The following PNPLA3 variants were observed in gnomAD, a reference collection of about 807,000 sequenced individuals.
The protein encoded by PNPLA3 is patatin like domain 3, 1-acylglycerol-3-phosphate O-acyltransferase.
A neutral mutation model predicts 43.1 loss-of-function variants in PNPLA3; 42 were observed. The ratio of observed to expected loss-of-function variants is 0.97; its 90% CI spans 0.76 to 1.26. PNPLA3 has a LOEUF of 1.26. Ranked by LOEUF, PNPLA3 falls within the 50% of genes most tolerant of loss-of-function variation. The pLI is 0.00. For synonymous variants in PNPLA3, 272 were observed against 253.6 expected, an observed-to-expected ratio of 1.07 and a Z score of -0.69; for missense variants, 647 against 621.4, an observed-to-expected ratio of 1.04 and a Z score of -0.44.
At chr22:43,934,507 G>T in intron 4 of PNPLA3, 99 bp from the exon 5 acceptor site, 1 of 1,246,978 alleles carries the variant, frequency 8.0e-7, no homozygotes, top group African/African-American at 1.5e-5. Flanking sequence ...CTCAGAGCTT[G>T]CATGATTCTT....
chr22:43,932,014 A>G (rs144418576), intron 3 of PNPLA3, among the ~76,000 whole-genome samples: 1 of 152,022 alleles, frequency 6.6e-6, no homozygotes, highest in Non-Finnish European at 1.5e-5. Flanking sequence ...CTCCGTGTGG[A>G]AGGGCGGGCT....
rs777905829 is a variant in PNPLA3, at chr22:43,944,789, C to T, written c.1211C>T (p.Ala404Val). The T allele has an allele frequency of 6.2e-7, 1 of 1,614,072 alleles. No homozygotes were observed. The highest frequency in any genetic ancestry group is 8.5e-7 in the Non-Finnish European group (1 of 1,179,898). Residue 404 changes from alanine (A) to valine (V), a missense_variant, in exon 8 of 9, where the codon GCC becomes GTC. By Grantham distance (64) the Ala-to-Val change is moderately conservative. Coordinates refer to ENST00000216180, the MANE Select transcript of PNPLA3 (RefSeq NM_025225.3). Reference sequence around the variant, plus strand: ...CGAGTGCTGATGTGTCTGCTCCCCGCCTCCAGGTAAATACTTTGGCTGTGG... The same window carrying T: ...CGAGTGCTGATGTGTCTGCTCCCCGTCTCCAGGTAAATACTTTGGCTGTGG... Reference protein sequence around the residue: ...FTRVLMCLLPASRSQMPVSSQ... With the variant: ...FTRVLMCLLPVSRSQMPVSSQ...
intron 6 of PNPLA3, chr22:43,939,279 T>C: frequency 1.5e-6 from 1 of 659,602 alleles, no homozygotes; most frequent in Non-Finnish European, 1.9e-6. Context: ...TCAGATTTCT[T>C]AATACAAGAT....
At chr22:43,924,796 A>C (rs186302637) in intron 1 of PNPLA3, among the ~76,000 whole-genome samples, 322 of 151,970 alleles carry the variant, frequency 2.1e-3, no homozygotes, top group Middle Eastern at 0.01. Context: ...TACAGGCGCC[A>C]GCCACCAAGC....
At chr22:43,941,559 C>G (rs779594961) in intron 7 of PNPLA3, among the ~76,000 whole-genome samples, 1 of 152,082 alleles carries the variant, frequency 6.6e-6, no homozygotes, top group Admixed American at 6.6e-5. Context: ...AGTACTCATC[C>G]CATAGTAAGC....
intron 2 of PNPLA3, among the ~76,000 whole-genome samples, chr22:43,927,798 G>T (rs552266165): frequency 2.6e-5 from 4 of 152,108 alleles, no homozygotes; most frequent in African/African-American, 7.2e-5. Flanking sequence ...TTGTAGAGAC[G>T]GGGTTTTGCC....
chr22:43,937,365 G>A (rs907544295), intron 6 of PNPLA3, 93 bp downstream of exon 6: 1 of 1,185,278 alleles, frequency 8.4e-7, no homozygotes, highest in East Asian at 2.5e-5. Flanking sequence ...GAGCGATAGG[G>A]TGAGGCAACC....
At chr22:43,945,847 C>A (rs1479429494) in intron 8 of PNPLA3, among the ~76,000 whole-genome samples, 2 of 152,090 alleles carry the variant, frequency 1.3e-5, no homozygotes, top group African/African-American at 4.8e-5. Flanking sequence ...TGGTAGGACA[C>A]CCTGGCAGGC....
intron 5 of PNPLA3, among the ~76,000 whole-genome samples, chr22:43,936,408 C>A (rs996556085): frequency 2.0e-5 from 3 of 152,060 alleles, no homozygotes; most frequent in African/African-American, 7.2e-5. Context: ...GTCTGAAGTC[C>A]CCCTCCCCCA....
intron 7 of PNPLA3, among the ~76,000 whole-genome samples, chr22:43,943,320 G>A (rs1015076891): frequency 9.9e-5 from 15 of 151,992 alleles, no homozygotes; most frequent in Admixed American, 4.6e-4. Flanking sequence ...TAGCAACAGA[G>A]GACTTGGAGC....
chr22:43,928,900 T>C lies in PNPLA3; in HGVS notation c.486+11T>C, dbSNP rs1397906722. 1 of 1,605,314 alleles carries C rather than the reference T, an allele frequency of 6.2e-7. No homozygotes were observed. Among genetic ancestry groups the C allele is most frequent in the Non-Finnish European group, 8.5e-7 (1 of 1,171,984 alleles). On this transcript the variant is annotated intron_variant, in intron 3 of 8. Transcript: ENST00000216180. ...TCCTTCAGAGGCGTGGTAAGTCGGC[T>C]TTCTCTGCTAGCGCTGAGTCCTGGG...
In PNPLA3 at chr22:43,935,587, G is replaced by A. The variant is rs187718302; in HGVS notation, c.757+921G>A. ...TAAGACTTTGGGGATAAGTAGGAGC[G>A]CCTTAGGCATGGGGACCCATGGATG... On this transcript the variant is annotated intron_variant, in intron 5 of 8. Coordinates refer to ENST00000216180, the MANE Select transcript of PNPLA3 (RefSeq NM_025225.3). Among the ~76,000 whole-genome samples the A allele has an allele frequency of 9.2e-5, 14 of 152,102 alleles. No homozygotes were observed. The South Asian group carries it at 1.7e-3, about 18-fold the overall frequency.
At position 43,926,943 on chromosome 22, in the gene PNPLA3, C is replaced by T. The variant is rs1383793173; in HGVS notation, c.196C>T (p.Leu66=). Residue 66 remains leucine, a synonymous_variant, in exon 2 of 9, where the codon CTG becomes TTG. Coordinates refer to ENST00000216180, the MANE Select transcript of PNPLA3 (RefSeq NM_025225.3). ...VLSGIPLEQT[L]QVLSDLVRKA... ...TTGTCTCCTGTCCCCAGAGCAGACT[C>T]TGCAGGTCCTCTCAGATCTTGTGCG... 5 of 1,613,972 alleles carry T rather than the reference C, an allele frequency of 3.1e-6. No individual in the cohort carries two copies. In the East Asian group the frequency reaches 1.1e-4, roughly 36 times the overall value.
chr22:43,938,840 A>G (rs2146787481), intron 6 of PNPLA3, among the ~76,000 whole-genome samples: 1 of 152,380 alleles, frequency 6.6e-6, no homozygotes, highest in South Asian at 2.1e-4. Context: ...GCAGAGGGTC[A>G]AGGACCAGCT....
intron 7 of PNPLA3, among the ~76,000 whole-genome samples, chr22:43,944,370 G>T (rs1033237955): frequency 2.6e-5 from 4 of 152,228 alleles, no homozygotes; most frequent in African/African-American, 9.6e-5. Context: ...GCAGGGGATG[G>T]TCTTGACCAT....
intron 6 of PNPLA3, among the ~76,000 whole-genome samples, 183 bp from the exon 7 acceptor site, chr22:43,939,810 C>T (rs2050019535): frequency 2.0e-5 from 3 of 152,124 alleles, no homozygotes; most frequent in Admixed American, 6.5e-5. Flanking sequence ...AAGAGCAAAA[C>T]TCTGTCTGGA....
In PNPLA3 at chr22:43,932,863, C is replaced by A; in HGVS notation, c.487-15C>A. The A allele has an allele frequency of 6.2e-7, 1 of 1,610,874 alleles. No individual in the cohort carries two copies. The highest frequency in any genetic ancestry group is 8.5e-7 in the Non-Finnish European group (1 of 1,178,854). ...GCTTCAGACAGTGCCAGTCCTTTTT[C>A]CCCTTCTTTAAAAGCGATATGTGGA... is the stretch of plus-strand genomic sequence containing the variant. On this transcript the variant is annotated splice_polypyrimidine_tract_variant and intron_variant, in intron 3 of 8. Coordinates refer to ENST00000216180, the MANE Select transcript of PNPLA3 (RefSeq NM_025225.3).
chr22:43,944,542 G>C, intron 7 of PNPLA3, 149 bp from the exon 8 acceptor site: 1 of 648,630 alleles, frequency 1.5e-6, no homozygotes, highest in East Asian at 2.7e-5. Context: ...TTTCAGGTGG[G>C]CTTGTCCTTG....
At chr22:43,945,130 T>A (rs892298166) in intron 8 of PNPLA3, among the ~76,000 whole-genome samples, 1 of 151,672 alleles carries the variant, frequency 6.6e-6, no homozygotes, top group Non-Finnish European at 1.5e-5. Flanking sequence ...GACTGGGGAG[T>A]GTCAGATAGC....
Sources: gnomAD v4.1 joint callset for allele counts (sites outside exome capture counted in the v4.1 genomes callset) on GRCh38, gnomAD v4.1.1 for gene constraint, MANE v1.5 for transcripts, NCBI Gene and HGNC (gene_info 2026-07-23, HGNC 2026-07-21) for gene names.